The following MEOX2 variants were observed in gnomAD, a reference collection of about 807,000 sequenced individuals.
The protein encoded by MEOX2 is homeobox protein MOX-2.
A neutral mutation model predicts 27.0 loss-of-function variants in MEOX2; 11 were observed. The observed-to-expected ratio is 0.41, with a 90% CI of 0.26 to 0.68. MEOX2 has a LOEUF of 0.68. Ranked by LOEUF, MEOX2 falls within the 30% of genes least tolerant of loss-of-function variation. The pLI, the probability that MEOX2 is intolerant of heterozygous loss-of-function variation, is 0.33. For missense variants in MEOX2, 436 were observed against 385.4 expected, an observed-to-expected ratio of 1.13 and a Z score of -1.10; for synonymous variants, 189 against 155.4, an observed-to-expected ratio of 1.22 and a Z score of -1.61.
At chr7:15,636,019 G>C (rs1253934870) in intron 1 of MEOX2, among the ~76,000 whole-genome samples, 1 of 151,918 alleles carries the variant, frequency 6.6e-6, no homozygotes, top group Non-Finnish European at 1.5e-5. Flanking sequence ...GGGTATGTGT[G>C]TTTCTTCTCT....
At chr7:15,619,082 G>A (rs1466107648) in intron 2 of MEOX2, among the ~76,000 whole-genome samples, 1 of 151,852 alleles carries the variant, frequency 6.6e-6, no homozygotes, top group African/African-American at 2.4e-5. Context: ...GTTCTCTTAG[G>A]CCTGGGTTTA....
chr7:15,650,336 G>A (rs1781715712), intron 1 of MEOX2, among the ~76,000 whole-genome samples: 1 of 151,956 alleles, frequency 6.6e-6, no homozygotes, highest in African/African-American at 2.4e-5. Flanking sequence ...CCTTTGAGAT[G>A]GCAAGCAACA....
At chr7:15,685,016 G>C (rs1391714747) in intron 1 of MEOX2, among the ~76,000 whole-genome samples, 1 of 152,206 alleles carries the variant, frequency 6.6e-6, no homozygotes, top group Non-Finnish European at 1.5e-5. Context: ...ACTGAAATCA[G>C]CGCCTCCTGC....
rs545237283 is a variant in MEOX2 at position 15,650,687 on chromosome 7, GA to G, written c.518-23770del. On this transcript the variant is annotated intron_variant, in intron 1 of 2. Transcript: ENST00000262041. Reference sequence around the variant, plus strand: ...ATACAGGAGAGAGAAGAAATAGAGGGAAAAAAATTGAGTTTTTTTGGGGGGG... The same window carrying G: ...ATACAGGAGAGAGAAGAAATAGAGGGAAAAAATTGAGTTTTTTTGGGGGGG... Among the ~76,000 whole-genome samples, 49 of 151,904 alleles carry G rather than the reference GA, an allele frequency of 3.2e-4. 1 individual carries two copies. The South Asian group carries it at 3.9e-3, about 12-fold the overall frequency.
intron 1 of MEOX2, among the ~76,000 whole-genome samples, chr7:15,649,183 T>A (rs1781694930): frequency 6.6e-6 from 1 of 152,118 alleles, no homozygotes; most frequent in Non-Finnish European, 1.5e-5. Flanking sequence ...TTTAAATTGT[T>A]AACTACCACA....
At chr7:15,615,153 G>T (rs976204037) in intron 2 of MEOX2, among the ~76,000 whole-genome samples, 1 of 145,236 alleles carries the variant, frequency 6.9e-6, no homozygotes, top group African/African-American at 2.6e-5. Context: ...TACCTATGTA[G>T]GGATAGACAG....
chr7:15,625,453 G>A (rs1485084660), intron 2 of MEOX2, among the ~76,000 whole-genome samples: 2 of 152,158 alleles, frequency 1.3e-5, no homozygotes, highest in South Asian at 2.1e-4. Flanking sequence ...GTGTTCCTCT[G>A]TATATTTCTA....
intron 1 of MEOX2, among the ~76,000 whole-genome samples, chr7:15,649,921 A>T (rs17168952): frequency 0.025 from 3,823 of 152,200 alleles, 157 homozygotes; most frequent in African/African-American, 0.086. Context: ...CTCCATATTA[A>T]GCCAACGCTG....
chr7:15,621,730 T>C (rs1287740762), intron 2 of MEOX2, among the ~76,000 whole-genome samples: 1 of 152,232 alleles, frequency 6.6e-6, no homozygotes, highest in Non-Finnish European at 1.5e-5. Context: ...CATTTTATTG[T>C]CAATCATGTA....
intron 1 of MEOX2, among the ~76,000 whole-genome samples, chr7:15,642,861 G>A (rs369017835): frequency 6.6e-6 from 1 of 152,120 alleles, no homozygotes; most frequent in Non-Finnish European, 1.5e-5. Context: ...GGGGGCCAAG[G>A]CTCTATATGA....
chr7:15,639,983 T>C (rs1781535042), intron 1 of MEOX2, among the ~76,000 whole-genome samples: 1 of 152,198 alleles, frequency 6.6e-6, no homozygotes, highest in Non-Finnish European at 1.5e-5. Flanking sequence ...TTTGGTTCCA[T>C]GTGGATTTTA....
intron 1 of MEOX2, among the ~76,000 whole-genome samples, chr7:15,641,140 T>C (rs1167048253): frequency 6.6e-6 from 1 of 152,158 alleles, no homozygotes; most frequent in African/African-American, 2.4e-5. Context: ...TATGAATCCA[T>C]TTGGCCCTGG....
chr7:15,659,052 T>C (rs1313026770), intron 1 of MEOX2, among the ~76,000 whole-genome samples: 1 of 152,128 alleles, frequency 6.6e-6, no homozygotes, highest in African/African-American at 2.4e-5. Context: ...CAGGGTGGAG[T>C]GCAGTGGCAT....
intron 1 of MEOX2, among the ~76,000 whole-genome samples, chr7:15,658,668 A>G (rs1243068799): frequency 2.0e-5 from 3 of 152,088 alleles, no homozygotes; most frequent in African/African-American, 4.8e-5. Context: ...TTTGGGAGGT[A>G]ATAGGTCACA....
chr7:15,653,237 T>C (rs1781767785), intron 1 of MEOX2, among the ~76,000 whole-genome samples: 1 of 152,014 alleles, frequency 6.6e-6, no homozygotes, highest in African/African-American at 2.4e-5. Context: ...TAGCAGATAA[T>C]AATGTTTAAC....
intron 1 of MEOX2, among the ~76,000 whole-genome samples, chr7:15,672,986 A>G (rs1312555769): frequency 6.6e-6 from 1 of 152,168 alleles, no homozygotes; most frequent in Non-Finnish European, 1.5e-5. Flanking sequence ...CAGTCATTCA[A>G]CTCTCCTACA....
Position 15,642,861 on chromosome 7 carries a change from G to T in MEOX2, c.518-15943C>A, listed in dbSNP as rs369017835. ...TTCTTTGTGCTTTTAGGGGGCCAAG[G>T]CTCTATATGATTTCCTTGGCTGTAG... On this transcript the variant is annotated intron_variant, in intron 1 of 2. Coordinates refer to ENST00000262041, the MANE Select transcript of MEOX2 (RefSeq NM_005924.5). 3.3e-5 allele frequency among the ~76,000 whole-genome samples: 5 copies of T among 152,238 alleles called. No individual in the cohort carries two copies. In the South Asian group the frequency reaches 8.3e-4, roughly 25 times the overall value.
At chr7:15,666,363 ATC>A (rs1173445864) in intron 1 of MEOX2, among the ~76,000 whole-genome samples, 1 of 152,206 alleles carries the variant, frequency 6.6e-6, no homozygotes, top group East Asian at 1.9e-4. Context: ...CTGTGACTTT[ATC>A]TAATGATGTC....
rs537449648 is a variant in MEOX2 at position 15,679,100 on chromosome 7, T to A, written c.517+6786A>T. ...AATTTTGTAATTGGAACATTTATAA[T>A]CATATTATGCATTTAATAAGGATGC... On this transcript the variant is annotated intron_variant, in intron 1 of 2. Transcript: ENST00000262041. 12 of 152,320 alleles carry A rather than the reference T, an allele frequency of 7.9e-5. No homozygotes were observed. In the East Asian group the frequency reaches 2.1e-3, roughly 27 times the overall value. 9.4% of individuals were successfully genotyped at this position (152,320 alleles called of 1,614,324 possible).
Sources: allele counts gnomAD v4.1 joint callset (sites outside exome capture counted in the v4.1 genomes callset), GRCh38; gene constraint gnomAD v4.1.1; transcripts MANE v1.5; gene names NCBI Gene and HGNC (gene_info 2026-07-23, HGNC 2026-07-21).